Variants in CORO2B observed in about 807,000 individuals in gnomAD.
CORO2B encodes the protein coronin 2B.
Under a neutral mutation model 58.8 loss-of-function variants are expected in CORO2B, and 26 were observed. The ratio of observed to expected loss-of-function variants is 0.44; its 90% CI spans 0.32 to 0.61. CORO2B has a LOEUF of 0.61. CORO2B is among the 20% of genes least tolerant of loss of function. The pLI is 0.04. For missense variants in CORO2B, 460 were observed against 645.1 expected (o/e 0.71, Z 3.11); for synonymous variants, 242 against 253.8 (o/e 0.95, Z 0.44).
chr15:68,719,654 T>A, intron 11 of CORO2B, 102 bp downstream of exon 11: 1 of 1,336,674 alleles, frequency 7.5e-7, no homozygotes, highest in South Asian at 1.5e-5. Context: ...TTCTGAGACA[T>A]TTTTCTTTCT....
At chr15:68,531,358 G>A in the CORO2B span, among the ~76,000 whole-genome samples, 9 of 56,378 alleles carry the variant, frequency 1.6e-4, no homozygotes, top group African/African-American at 4.5e-4. Context: ...CAAGCCGAGT[G>A]CGGTGATGTG....
chr15:68,717,563 C>G (rs1253612344), intron 8 of CORO2B, among the ~76,000 whole-genome samples: 1 of 152,204 alleles, frequency 6.6e-6, no homozygotes, highest in Admixed American at 6.5e-5. Context: ...GAATGACTCA[C>G]TTCATCCTCA....
At chr15:68,538,478 T>C in the CORO2B span, among the ~76,000 whole-genome samples, 3 of 152,196 alleles carry the variant, frequency 2.0e-5, no homozygotes, top group African/African-American at 7.2e-5. Context: ...CCTGGGCTGG[T>C]GACTGTGAGG....
chr15:68,699,638 G>A (rs1253680504), intron 3 of CORO2B, among the ~76,000 whole-genome samples: 1 of 152,160 alleles, frequency 6.6e-6, no homozygotes, highest in African/African-American at 2.4e-5. Context: ...CATCTTACCC[G>A]GGTGTCCACC....
intron 2 of CORO2B, among the ~76,000 whole-genome samples, chr15:68,667,119 C>T (rs908628484): frequency 6.6e-6 from 1 of 152,124 alleles, no homozygotes; most frequent in Non-Finnish European, 1.5e-5. Context: ...CTCTAAAAAC[C>T]CCTAAGGCCT....
At chr15:68,663,040 G>A (rs7168630) in intron 2 of CORO2B, among the ~76,000 whole-genome samples, 43,140 of 151,710 alleles carry the variant, frequency 0.28, 6,370 homozygotes, top group African/African-American at 0.36. Context: ...TAAACTCAAA[G>A]AAATTTCCAA....
At chr15:68,582,855 A>G (rs1307103367) in intron 1 of CORO2B, among the ~76,000 whole-genome samples, 3 of 152,118 alleles carry the variant, frequency 2.0e-5, no homozygotes, top group African/African-American at 7.2e-5. Context: ...TGCTGTGTTA[A>G]GTTAGACGCT....
At position 68,715,232 on chromosome 15, in the gene CORO2B, G is replaced by A. The variant is rs1178435872; in HGVS notation, c.888G>A (p.Arg296=). Residue 296 remains arginine, a synonymous_variant, in exon 8 of 12, where the codon CGG becomes CGA. Transcript: ENST00000261861. ...YLAGKGDGNI[R]YYEISTEKPY... The stretch of plus-strand genomic sequence containing the variant: ...GACCCCAGGGTGATGGAAACATCCG[G>A]TACTACGAGATCAGCACTGAGAAGC... The A allele has an allele frequency of 6.2e-7, 1 of 1,613,960 alleles. No homozygotes were observed. Among genetic ancestry groups the A allele is most frequent in the Admixed American group, 1.7e-5 (1 of 60,002 alleles).
At chr15:68,556,145 G>A in the CORO2B span, among the ~76,000 whole-genome samples, 4 of 152,234 alleles carry the variant, frequency 2.6e-5, no homozygotes, top group African/African-American at 9.6e-5. Flanking sequence ...GAGCAGAGAA[G>A]GGAGAGCCAC....
chr15:68,709,785 T>C (rs1476581981), intron 3 of CORO2B, among the ~76,000 whole-genome samples: 1 of 152,206 alleles, frequency 6.6e-6, no homozygotes, highest in East Asian at 1.9e-4. Context: ...ATAACAATTA[T>C]AATTCCTTAG....
chr15:68,586,431 G>A (rs1339513429), intron 1 of CORO2B, among the ~76,000 whole-genome samples: 3 of 152,140 alleles, frequency 2.0e-5, no homozygotes, highest in African/African-American at 7.2e-5. Flanking sequence ...AAGGAGGGGA[G>A]CTGAGGAGGG....
chr15:68,579,098 T>C lies in CORO2B; in HGVS notation c.-165T>C. ...CGGGCGAGCGCCGACGAGCGGTCCC[T>C]GCGCGCTGCCCGCCCGGAGCGCAGC... On this transcript the variant is annotated 5_prime_UTR_variant, in exon 1 of 12. Transcript: ENST00000261861. 1.0e-6 allele frequency: 1 copy of C among 982,534 alleles called. No homozygotes were observed. The highest frequency in any genetic ancestry group is 1.2e-6 in the Non-Finnish European group (1 of 828,890). The allele number at this position is 982,534 out of a possible 1,614,324, so 60.9% of individuals were successfully genotyped here.
chr15:68,551,464 G>A, the CORO2B span, among the ~76,000 whole-genome samples: 144 of 152,262 alleles, frequency 9.5e-4, no homozygotes, highest in Non-Finnish European at 1.5e-3. Context: ...AACTGTTCCC[G>A]GAGGCTGTCC....
chr15:68,642,353 G>A lies in CORO2B; in HGVS notation c.16-2807G>A, dbSNP rs537877978. Among the ~76,000 whole-genome samples, 7 of 152,258 alleles carry A rather than the reference G, an allele frequency of 4.6e-5. No homozygotes were observed. In the South Asian group the frequency reaches 1.2e-3, roughly 27 times the overall value. On this transcript the variant is annotated intron_variant, in intron 1 of 11. Coordinates refer to ENST00000261861, the MANE Select transcript of CORO2B (RefSeq NM_006091.5). ...CCCTTGTACCCCAGGGAGAGCCTGC[G>A]GTGACGTCTGCACTGGGAAGAGCAG...
At chr15:68,704,039 T>TACAAACAC (rs1269309677) in intron 3 of CORO2B, among the ~76,000 whole-genome samples, 3 of 128,158 alleles carry the variant, frequency 2.3e-5, no homozygotes, top group East Asian at 4.4e-4. Flanking sequence ...TACACACACA[T>TACAAACAC]ACACACACAC....
At chr15:68,640,071 C>A (rs1376785757) in intron 1 of CORO2B, among the ~76,000 whole-genome samples, 2 of 152,212 alleles carry the variant, frequency 1.3e-5, no homozygotes, top group African/African-American at 2.4e-5. Flanking sequence ...CTTTTCTGTT[C>A]CCTGCCTGCG....
At chr15:68,629,180 T>A (rs541745322) in intron 1 of CORO2B, among the ~76,000 whole-genome samples, 1 of 152,338 alleles carries the variant, frequency 6.6e-6, no homozygotes, top group East Asian at 1.9e-4. Context: ...ACATTGGAAA[T>A]TCTGCAGTAG....
At chr15:68,601,503 G>A (rs1296247720) in intron 1 of CORO2B, among the ~76,000 whole-genome samples, 1 of 152,228 alleles carries the variant, frequency 6.6e-6, no homozygotes, top group East Asian at 1.9e-4. Flanking sequence ...GCGGCCATGA[G>A]CGTGCAGTGC....
intron 3 of CORO2B, 120 bp downstream of exon 3, chr15:68,695,376 T>A: frequency 1.3e-6 from 1 of 743,214 alleles, no homozygotes; most frequent in Non-Finnish European, 2.3e-6. Context: ...CTCTTTGTCA[T>A]CTTTCCAGCA....
Sources: allele counts gnomAD v4.1 joint callset (sites outside exome capture counted in the v4.1 genomes callset), GRCh38; gene constraint gnomAD v4.1.1; transcripts MANE v1.5; gene names NCBI Gene and HGNC (gene_info 2026-07-23, HGNC 2026-07-21).